The following FAM110B variants were observed in gnomAD, a reference collection of about 807,000 sequenced individuals.
FAM110B encodes the protein family with sequence similarity 110 member B.
In FAM110B, 6 loss-of-function variants were observed where a neutral mutation model predicts 20.4. The ratio of observed to expected loss-of-function variants is 0.29; its 90% CI spans 0.16 to 0.58. FAM110B has a LOEUF of 0.58. FAM110B is among the 20% of genes least tolerant of loss of function. The probability of loss-of-function intolerance (pLI) is 0.90; values close to 1 mark genes in which losing one functional copy is unlikely to be tolerated. For synonymous variants in FAM110B, 226 were observed against 214.1 expected (o/e 1.06, Z -0.49); for missense variants, 434 against 498.2 (o/e 0.87, Z 1.23).
Position 58,146,837 on chromosome 8 carries a change from A to C in FAM110B, c.607A>C (p.Ile203Leu). The C allele has an allele frequency of 6.2e-7, 1 of 1,612,410 alleles. No homozygotes were observed. The highest frequency in any genetic ancestry group is 8.5e-7 in the Non-Finnish European group (1 of 1,178,916). ...CCACGTGTCCCACAGCTCTTCGGACATCCGCAAGGTGACCAGCGTGAAGCC... is the reference window on the plus strand; with the variant it reads ...CCACGTGTCCCACAGCTCTTCGGACCTCCGCAAGGTGACCAGCGTGAAGCC... Reference protein sequence around the residue: ...FLHVSHSSSDIRKVTSVKPLK... With the variant: ...FLHVSHSSSDLRKVTSVKPLK... Residue 203 changes from isoleucine to leucine, a missense_variant, in exon 4 of 4, where the codon ATC becomes CTC. Physicochemically the swap from Ile to Leu is conservative, Grantham distance 5. Around this residue, in one of 3 missense-constraint regions of FAM110B, gnomAD observed 284 missense variants for 278.3 expected, o/e 1.02. Transcript: ENST00000519262.
intron 1 of FAM110B, among the ~76,000 whole-genome samples, chr8:58,010,895 A>C (rs1804520894): frequency 6.6e-6 from 1 of 152,220 alleles, no homozygotes; most frequent in Non-Finnish European, 1.5e-5. Context: ...AAAGCTTGGC[A>C]ATGTCTGCTT....
At chr8:58,014,365 C>T (rs1194165121) in intron 1 of FAM110B, among the ~76,000 whole-genome samples, 2 of 152,116 alleles carry the variant, frequency 1.3e-5, no homozygotes, top group Non-Finnish European at 1.5e-5. Flanking sequence ...GCCAGTTGCT[C>T]CAGAGTTTCT....
At chr8:58,103,556 A>G (rs1806838975) in intron 3 of FAM110B, among the ~76,000 whole-genome samples, 1 of 152,294 alleles carries the variant, frequency 6.6e-6, no homozygotes, top group Non-Finnish European at 1.5e-5. Context: ...TCCCAGACAT[A>G]TCAGTCAACC....
chr8:58,096,729 C>A (rs1361806153), intron 3 of FAM110B, among the ~76,000 whole-genome samples: 3 of 152,206 alleles, frequency 2.0e-5, no homozygotes, highest in Admixed American at 6.5e-5. Flanking sequence ...TCTTGTAAGG[C>A]AAGCCTGGTG....
intron 1 of FAM110B, among the ~76,000 whole-genome samples, chr8:58,027,382 G>A (rs1804875071): frequency 2.0e-5 from 3 of 151,568 alleles, no homozygotes; most frequent in Admixed American, 2.0e-4. Flanking sequence ...TCCCAGGGCT[G>A]ATTGAGGAAG....
At chr8:58,110,576 C>T (rs2150618722) in intron 3 of FAM110B, among the ~76,000 whole-genome samples, 1 of 152,270 alleles carries the variant, frequency 6.6e-6, no homozygotes, top group African/African-American at 2.4e-5. Context: ...TACCTGCTAG[C>T]ATTCTTTTTA....
At chr8:58,145,321 T>G (rs1051456510) in intron 3 of FAM110B, among the ~76,000 whole-genome samples, 7 of 152,172 alleles carry the variant, frequency 4.6e-5, no homozygotes, top group Admixed American at 1.3e-4. Flanking sequence ...TGAGGTTTTT[T>G]TTTTTTTTTT....
At chr8:58,071,961 G>A (rs1357137292) in intron 2 of FAM110B, among the ~76,000 whole-genome samples, 1 of 152,140 alleles carries the variant, frequency 6.6e-6, no homozygotes. Context: ...CAGTTTCAGT[G>A]AGAGTGGTTT....
At chr8:58,088,268 A>G (rs1229445556) in intron 3 of FAM110B, among the ~76,000 whole-genome samples, 1 of 152,220 alleles carries the variant, frequency 6.6e-6, no homozygotes, top group African/African-American at 2.4e-5. Flanking sequence ...TGCTTCATTC[A>G]TATATATATT....
intron 3 of FAM110B, among the ~76,000 whole-genome samples, chr8:58,088,084 G>A (rs985050889): frequency 3.9e-5 from 6 of 152,102 alleles, no homozygotes; most frequent in African/African-American, 1.4e-4. Flanking sequence ...CCCAGTAAAT[G>A]TTGCTAAAAT....
chr8:58,147,616 T>C lies in FAM110B; in HGVS notation c.*273T>C. ...AGCAAAACTGTTTACATGAAAATGG[T>C]ATACAACTTCTTCGATATTTATGTG... is the stretch of plus-strand genomic sequence containing the variant. On this transcript the variant is annotated 3_prime_UTR_variant, in exon 4 of 4. Coordinates refer to ENST00000519262, the MANE Select transcript of FAM110B (RefSeq NM_001377989.1). The C allele has an allele frequency of 2.3e-6, 1 of 444,006 alleles. No homozygotes were observed. The highest frequency in any genetic ancestry group is 3.9e-5 in the South Asian group (1 of 25,548). The allele number at this position is 444,006 out of a possible 1,614,324, so 27.5% of individuals were successfully genotyped here.
chr8:57,996,728 C>T (rs1028147102), intron 1 of FAM110B, among the ~76,000 whole-genome samples: 2 of 152,200 alleles, frequency 1.3e-5, no homozygotes, highest in African/African-American at 4.8e-5. Context: ...GGTTTAGAAT[C>T]CCACTTCCAA....
At chr8:58,131,538 C>G (rs1363459560) in intron 3 of FAM110B, among the ~76,000 whole-genome samples, 2 of 152,210 alleles carry the variant, frequency 1.3e-5, no homozygotes, top group African/African-American at 2.4e-5. Flanking sequence ...ATCACCGTCT[C>G]CTGTTTTATT....
chr8:58,016,104 A>C (rs879401356), intron 1 of FAM110B, among the ~76,000 whole-genome samples: 5 of 152,274 alleles, frequency 3.3e-5, no homozygotes, highest in Admixed American at 3.3e-4. Context: ...GAGAAATCTG[A>C]TGTCTCTTTG....
chr8:58,103,002 G>GAAAAA (rs60027491), intron 3 of FAM110B, among the ~76,000 whole-genome samples: 5 of 99,294 alleles, frequency 5.0e-5, no homozygotes, highest in East Asian at 3.2e-4. Context: ...TGCTTGTTAT[G>GAAAAA]AAAAAAAAAA....
Position 58,037,306 on chromosome 8 carries a change from G to GGTTTGTTT in FAM110B, c.-414+5620_-414+5627dup, listed in dbSNP as rs34287683. 2.8e-3 allele frequency among the ~76,000 whole-genome samples: 415 copies of GGTTTGTTT among 146,574 alleles called. 2 individuals are homozygous for GGTTTGTTT. The highest frequency in any genetic ancestry group is 0.01 in the African/African-American group (389 of 37,080). ...CTTCTCTCTAAAAGGAAGTTTTTTT[G>GGTTTGTTT]GTTTGTTTGTTTGTTTGTTTGTTTT... On this transcript the variant is annotated intron_variant, in intron 2 of 3. Coordinates refer to ENST00000519262, the MANE Select transcript of FAM110B (RefSeq NM_001377989.1).
intron 1 of FAM110B, among the ~76,000 whole-genome samples, chr8:58,014,227 A>G (rs1215843493): frequency 2.0e-5 from 3 of 152,116 alleles, no homozygotes; most frequent in African/African-American, 7.2e-5. Flanking sequence ...CCTAGCGGGA[A>G]TCAGTGGGAC....
intron 2 of FAM110B, among the ~76,000 whole-genome samples, chr8:58,047,892 AT>A (rs1343362997): frequency 2.0e-5 from 3 of 151,930 alleles, no homozygotes; most frequent in Non-Finnish European, 2.9e-5. Context: ...TGAAAAAAAA[AT>A]TTTTTTTAAT....
At chr8:58,044,979 AG>A (rs1296195064) in intron 2 of FAM110B, among the ~76,000 whole-genome samples, 1 of 152,234 alleles carries the variant, frequency 6.6e-6, no homozygotes, top group African/African-American at 2.4e-5. Flanking sequence ...TAAAATAAAA[AG>A]CTCTCTTTTT....
Sources: allele counts gnomAD v4.1 joint callset (sites outside exome capture counted in the v4.1 genomes callset), GRCh38; gene constraint gnomAD v4.1.1; regional missense constraint gnomAD v4.1.1; transcripts MANE v1.5; gene names NCBI Gene and HGNC (gene_info 2026-07-23, HGNC 2026-07-21).